RPS6KC1: variants seen among roughly 807,000 people sequenced by gnomAD.
RPS6KC1 encodes the protein inactive ribosomal protein S6 kinase delta-1.
In RPS6KC1, 54 loss-of-function variants were observed where a neutral mutation model predicts 103.8. That is an observed-to-expected ratio of 0.52 (90% CI 0.42 to 0.65). The LOEUF is 0.65. Ranked by LOEUF, RPS6KC1 falls within the 30% of genes least tolerant of loss-of-function variation. The pLI is 0.00. For synonymous variants in RPS6KC1, 439 were observed against 438.7 expected (o/e 1.00, Z -0.01); for missense variants, 1,151 against 1,253.8 (o/e 0.92, Z 1.24).
chr1:213,787,129 G>A, the RPS6KC1 span, among the ~76,000 whole-genome samples: 1 of 149,600 alleles, frequency 6.7e-6, no homozygotes, highest in South Asian at 2.2e-4. Flanking sequence ...CTGCTGGCTT[G>A]TGTTTCCTCG....
the RPS6KC1 span, among the ~76,000 whole-genome samples, chr1:213,552,542 A>G: frequency 6.6e-6 from 1 of 152,098 alleles, no homozygotes; most frequent in Non-Finnish European, 1.5e-5. Flanking sequence ...TTTTTAATAC[A>G]GTTATTTTCT....
chr1:213,181,684 AT>A (rs2092277975), intron 8 of RPS6KC1, among the ~76,000 whole-genome samples: 1 of 152,206 alleles, frequency 6.6e-6, no homozygotes, highest in Non-Finnish European at 1.5e-5. Flanking sequence ...ATAGCACAAC[AT>A]TTTTTAAGTG....
chr1:213,404,042 C>T, the RPS6KC1 span, among the ~76,000 whole-genome samples: 1 of 152,122 alleles, frequency 6.6e-6, no homozygotes, highest in Admixed American at 6.5e-5. Flanking sequence ...GCTGAGAAGG[C>T]CCTAAGCGAG....
intron 12 of RPS6KC1, among the ~76,000 whole-genome samples, chr1:213,252,622 T>C (rs893773179): frequency 6.6e-6 from 1 of 152,216 alleles, no homozygotes; most frequent in Non-Finnish European, 1.5e-5. Flanking sequence ...TGAAAGTTAA[T>C]ATATTTTTGT....
chr1:213,418,676 G>A, the RPS6KC1 span, among the ~76,000 whole-genome samples: 3 of 152,290 alleles, frequency 2.0e-5, no homozygotes, highest in Admixed American at 6.5e-5. Context: ...GATTTCACAC[G>A]CCGATCTCCA....
the RPS6KC1 span, among the ~76,000 whole-genome samples, chr1:213,441,010 C>T: frequency 2.6e-5 from 4 of 152,186 alleles, no homozygotes; most frequent in East Asian, 3.8e-4. Context: ...GGCTCTCCCC[C>T]GTTCAAGTGG....
chr1:213,552,599 T>TA, the RPS6KC1 span, among the ~76,000 whole-genome samples: 1 of 152,220 alleles, frequency 6.6e-6, no homozygotes, highest in Non-Finnish European at 1.5e-5. Context: ...TAACCTTTAT[T>TA]AAGTATCTCT....
chr1:213,443,900 C>CA, the RPS6KC1 span, among the ~76,000 whole-genome samples: 63,296 of 150,646 alleles, frequency 0.42, 14,612 homozygotes, highest in East Asian at 0.57. Context: ...GACCCTGTCT[C>CA]AAAAAAAAAG....
At chr1:213,331,211 A>C in the RPS6KC1 span, among the ~76,000 whole-genome samples, 1 of 152,196 alleles carries the variant, frequency 6.6e-6, no homozygotes, top group Non-Finnish European at 1.5e-5. Context: ...ATATTTAAAA[A>C]GAAGGTTGGA....
At chr1:213,832,749 C>G in the RPS6KC1 span, 2 of 152,206 alleles carry the variant, frequency 1.3e-5, no homozygotes, top group Non-Finnish European at 2.9e-5. Flanking sequence ...TTATTCATCT[C>G]TTTAACATGA....
At chr1:213,674,989 G>C in the RPS6KC1 span, among the ~76,000 whole-genome samples, 4 of 152,022 alleles carry the variant, frequency 2.6e-5, no homozygotes, top group Admixed American at 6.6e-5. Flanking sequence ...GGGGTTTCCT[G>C]TTTTTTGCTT....
the RPS6KC1 span, among the ~76,000 whole-genome samples, chr1:213,426,009 T>A: frequency 1.3e-4 from 19 of 151,820 alleles, no homozygotes; most frequent in African/African-American, 4.4e-4. Context: ...TGGAGTAGAG[T>A]GTTTTATACC....
chr1:213,473,505 ACT>A, the RPS6KC1 span, among the ~76,000 whole-genome samples: 371 of 152,186 alleles, frequency 2.4e-3, 7 homozygotes, highest in Non-Finnish European at 2.4e-3. Flanking sequence ...CATAGCAGTG[ACT>A]CTCTGCTGAA....
In RPS6KC1 at chr1:213,129,922, C is replaced by T. The variant is rs774547927; in HGVS notation, c.835+33C>T. 7 of 1,539,720 alleles carry T rather than the reference C, an allele frequency of 4.5e-6. No individual in the cohort carries two copies. In the African/African-American group the frequency reaches 6.9e-5, roughly 15 times the overall value. The stretch of plus-strand genomic sequence containing the variant: ...TTTATGTATATTATGTTTTGGCATG[C>T]TCTTTTGTTGGTATGTGGGAAAAAA... On this transcript the variant is annotated intron_variant, in intron 6 of 14. Transcript: ENST00000366960.
chr1:213,289,865 C>T, the RPS6KC1 span, among the ~76,000 whole-genome samples: 1 of 152,038 alleles, frequency 6.6e-6, no homozygotes, highest in Non-Finnish European at 1.5e-5. Flanking sequence ...ACGGTGAAAC[C>T]CCATCTCTAC....
At chr1:213,297,736 A>G in the RPS6KC1 span, among the ~76,000 whole-genome samples, 1,204 of 152,216 alleles carry the variant, frequency 7.9e-3, 23 homozygotes, top group African/African-American at 0.028. Context: ...TGGGCCTCCC[A>G]AGTAGCTAGG....
At chr1:213,593,629 C>T in the RPS6KC1 span, among the ~76,000 whole-genome samples, 2 of 151,904 alleles carry the variant, frequency 1.3e-5, no homozygotes, top group African/African-American at 4.8e-5. Context: ...TTAAAGGAAG[C>T]AATGGAAGGG....
At chr1:213,633,234 GA>G in the RPS6KC1 span, among the ~76,000 whole-genome samples, 2 of 152,106 alleles carry the variant, frequency 1.3e-5, no homozygotes, top group Non-Finnish European at 2.9e-5. Context: ...GCAACCCAAA[GA>G]CACAAAATTG....
At chr1:213,488,674 A>G in the RPS6KC1 span, among the ~76,000 whole-genome samples, 23 of 152,270 alleles carry the variant, frequency 1.5e-4, no homozygotes, top group Non-Finnish European at 2.6e-4. Context: ...TGGAGTCTGA[A>G]CTCTAAGAAT....
Sources: allele counts gnomAD v4.1 joint callset (sites outside exome capture counted in the v4.1 genomes callset), GRCh38; gene constraint gnomAD v4.1.1; transcripts MANE v1.5; gene names NCBI Gene and HGNC (gene_info 2026-07-23, HGNC 2026-07-21).